DLG2: variants seen among roughly 807,000 people sequenced by gnomAD.
The protein encoded by DLG2 is disks large homolog 2.
DLG2 carries 45 observed loss-of-function variants against 132.5 expected under a neutral mutation model. The ratio of observed to expected loss-of-function variants is 0.34; its 90% CI spans 0.27 to 0.44. The LOEUF is 0.44. DLG2 is among the 20% of genes least tolerant of loss of function. The pLI is 1.00. For missense variants in DLG2, 1,045 were observed against 1,196.9 expected, an observed-to-expected ratio of 0.87 and a Z score of 1.87; for synonymous variants, 424 against 419.6, an observed-to-expected ratio of 1.01 and a Z score of -0.13.
intron 3 of DLG2, among the ~76,000 whole-genome samples, chr11:85,332,414 T>C (rs552349762): frequency 2.0e-5 from 3 of 152,172 alleles, no homozygotes; most frequent in Non-Finnish European, 4.4e-5. Context: ...ATTCTGCAGG[T>C]TGTCTACTCT....
intron 6 of DLG2, among the ~76,000 whole-genome samples, chr11:84,603,206 G>A (rs2099579740): frequency 1.3e-5 from 2 of 151,908 alleles, no homozygotes; most frequent in South Asian, 2.1e-4. Context: ...ACTCGTTTAT[G>A]TAACTGTCTC....
chr11:83,636,365 A>C (rs2064841787), intron 18 of DLG2, among the ~76,000 whole-genome samples: 1 of 152,162 alleles, frequency 6.6e-6, no homozygotes, highest in Non-Finnish European at 1.5e-5. Flanking sequence ...TGAGTGAATA[A>C]AAAATAAATG....
intron 26 of DLG2, among the ~76,000 whole-genome samples, chr11:83,465,845 G>C (rs1192530585): frequency 6.6e-6 from 1 of 152,176 alleles, no homozygotes; most frequent in Non-Finnish European, 1.5e-5. Flanking sequence ...TAACTGATCA[G>C]TGGCAAAGTA....
At chr11:85,226,199 A>C (rs2074965354) in intron 4 of DLG2, among the ~76,000 whole-genome samples, 1 of 151,136 alleles carries the variant, frequency 6.6e-6, no homozygotes, top group Non-Finnish European at 1.5e-5. Context: ...ATAATAATAT[A>C]ATTGTTATAT....
intron 9 of DLG2, among the ~76,000 whole-genome samples, chr11:84,162,918 T>C (rs1172935292): frequency 6.6e-6 from 1 of 152,154 alleles, no homozygotes; most frequent in Non-Finnish European, 1.5e-5. Context: ...GTAAAATATC[T>C]ACATATATTA....
At chr11:84,086,424 A>C (rs890262536) in intron 10 of DLG2, among the ~76,000 whole-genome samples, 1 of 151,454 alleles carries the variant, frequency 6.6e-6, no homozygotes, top group Non-Finnish European at 1.5e-5. Flanking sequence ...ACAGTCACAG[A>C]GTTGTCCAAT....
intron 3 of DLG2, among the ~76,000 whole-genome samples, chr11:85,286,463 G>A (rs1389557413): frequency 6.6e-6 from 1 of 152,018 alleles, no homozygotes; most frequent in African/African-American, 2.4e-5. Context: ...CATCTGCTGA[G>A]AAGGCCTAGA....
intron 6 of DLG2, among the ~76,000 whole-genome samples, chr11:84,798,759 G>A (rs957178661): frequency 2.0e-5 from 3 of 152,152 alleles, no homozygotes; most frequent in African/African-American, 7.2e-5. Flanking sequence ...TGGTTATTCA[G>A]GGCCCAAGGG....
chr11:84,857,030 G>T (rs1487434452), intron 6 of DLG2, among the ~76,000 whole-genome samples: 1 of 151,386 alleles, frequency 6.6e-6, no homozygotes, highest in African/African-American at 2.4e-5. Flanking sequence ...GAAGGTCAAA[G>T]TAAGAAGAAG....
chr11:84,535,790 G>T (rs965236182), intron 6 of DLG2, among the ~76,000 whole-genome samples: 9 of 152,128 alleles, frequency 5.9e-5, no homozygotes, highest in Admixed American at 5.2e-4. Context: ...AGATAATAAA[G>T]TGTTAGTTTG....
At chr11:85,428,692 A>T (rs2090953295) in intron 3 of DLG2, among the ~76,000 whole-genome samples, 1 of 152,244 alleles carries the variant, frequency 6.6e-6, no homozygotes, top group African/African-American at 2.4e-5. Flanking sequence ...TCTAAAATTG[A>T]CACCCTAACA....
chr11:84,799,562 C>T (rs7107842), intron 6 of DLG2, among the ~76,000 whole-genome samples: 3 of 151,998 alleles, frequency 2.0e-5, no homozygotes, highest in Admixed American at 6.5e-5. Flanking sequence ...GTTCCTCTTA[C>T]GAGGACAATC....
intron 9 of DLG2, among the ~76,000 whole-genome samples, chr11:84,139,596 C>T (rs759688116): frequency 6.6e-6 from 1 of 152,122 alleles, no homozygotes; most frequent in African/African-American, 2.4e-5. Context: ...CTTACTTAGT[C>T]GTCACAGGAA....
chr11:84,816,560 A>G (rs1451557724), intron 6 of DLG2, among the ~76,000 whole-genome samples: 1 of 151,940 alleles, frequency 6.6e-6, no homozygotes, highest in Non-Finnish European at 1.5e-5. Context: ...TTGAGCATTT[A>G]CTGGGTGCAA....
chr11:84,488,809 TC>T (rs2099157399), intron 7 of DLG2, among the ~76,000 whole-genome samples: 1 of 152,164 alleles, frequency 6.6e-6, no homozygotes, highest in Non-Finnish European at 1.5e-5. Flanking sequence ...CTGTAGTTTA[TC>T]TGTAACTTTT....
At chr11:83,531,018 G>A (rs1051047558) in intron 21 of DLG2, among the ~76,000 whole-genome samples, 1 of 151,768 alleles carries the variant, frequency 6.6e-6, no homozygotes, top group Non-Finnish European at 1.5e-5. Flanking sequence ...AACTCAACAT[G>A]GATCAACCAC....
At chr11:85,238,646 T>G (rs1044422157) in intron 4 of DLG2, among the ~76,000 whole-genome samples, 1 of 152,130 alleles carries the variant, frequency 6.6e-6, no homozygotes, top group Non-Finnish European at 1.5e-5. Context: ...CCTTCTTTTT[T>G]AACTTATGTA....
intron 17 of DLG2, among the ~76,000 whole-genome samples, chr11:83,787,256 T>C (rs1432702663): frequency 2.6e-5 from 4 of 151,336 alleles, no homozygotes; most frequent in Non-Finnish European, 4.4e-5. Context: ...AATCCCTCTC[T>C]GTGGTCAATT....
intron 3 of DLG2, among the ~76,000 whole-genome samples, chr11:85,392,242 A>G (rs748723477): frequency 7.9e-5 from 12 of 152,132 alleles, no homozygotes; most frequent in Non-Finnish European, 1.8e-4. Flanking sequence ...GAGGTGAAAG[A>G]CCTCTGCAAG....
Sources: gnomAD v4.1 joint callset for allele counts (sites outside exome capture counted in the v4.1 genomes callset) on GRCh38, gnomAD v4.1.1 for gene constraint, MANE v1.5 for transcripts, NCBI Gene and HGNC (gene_info 2026-07-23, HGNC 2026-07-21) for gene names.